The following CCNK variants were observed in gnomAD, a reference collection of about 807,000 sequenced individuals.
The protein encoded by CCNK is cyclin K.
In CCNK, 9 loss-of-function variants were observed where a neutral mutation model predicts 65.0. The observed-to-expected ratio is 0.14, with a 90% CI of 0.08 to 0.24. The LOEUF is 0.24. CCNK is among the 10% of genes least tolerant of loss of function. The pLI is 1.00. For synonymous variants in CCNK, 279 were observed against 270.8 expected (o/e 1.03, Z -0.30); for missense variants, 474 against 720.0 (o/e 0.66, Z 3.91).
At chr14:99,507,255 A>G in intron 10 of CCNK, 108 bp downstream of exon 10, 2 of 772,250 alleles carry the variant, frequency 2.6e-6, no homozygotes, top group Admixed American at 1.8e-5. Flanking sequence ...CAGATTGACA[A>G]TGTCAGCCAC....
intron 10 of CCNK, chr14:99,509,896 ACTGC>A: frequency 1.9e-6 from 1 of 536,034 alleles, no homozygotes; most frequent in Non-Finnish European, 3.3e-6. Context: ...TGCTGCCGAG[ACTGC>A]CTGTAGGTGG....
intron 4 of CCNK, among the ~76,000 whole-genome samples, chr14:99,497,168 T>G (rs1896720500): frequency 6.6e-6 from 1 of 152,084 alleles, no homozygotes; most frequent in Non-Finnish European, 1.5e-5. Flanking sequence ...GACATACGTA[T>G]AGTAACATGT....
rs992317284 is a variant in CCNK at position 99,501,104 on chromosome 14, C to T, written c.517+233C>T. On this transcript the variant is annotated intron_variant, in intron 5 of 10. Coordinates refer to ENST00000389879, the MANE Select transcript of CCNK (RefSeq NM_001099402.2). ...TGATGGGAGAGGCAGGAAAATGAGG[C>T]AGAATTTTTTAAATGGACTAATAAA... 6.7e-6 allele frequency: 4 copies of T among 598,784 alleles called. No homozygotes were observed. The African/African-American group carries it at 7.5e-5, about 11-fold the overall frequency. 37.1% of individuals were successfully genotyped at this position (598,784 alleles called of 1,614,324 possible).
At chr14:99,487,741 TTCTC>T (rs1236689595) in intron 1 of CCNK, among the ~76,000 whole-genome samples, 2 of 152,238 alleles carry the variant, frequency 1.3e-5, no homozygotes, top group Non-Finnish European at 2.9e-5. Flanking sequence ...ACTGTTCTCT[TTCTC>T]AACTGAATAG....
At position 99,493,519 on chromosome 14, in the gene CCNK, A is replaced by G; in HGVS notation, c.203A>G (p.Tyr68Cys). The G allele has an allele frequency of 6.2e-7, 1 of 1,611,078 alleles. No homozygotes were observed. Among genetic ancestry groups the G allele is most frequent in the Non-Finnish European group, 8.5e-7 (1 of 1,177,748 alleles). The change falls in exon 3 of 11, where the codon TAT becomes TGT. Residue 68 changes from tyrosine to cysteine, a missense_variant. Coordinates refer to ENST00000389879, the MANE Select transcript of CCNK (RefSeq NM_001099402.2). ...GTCCTTAACCAGAACAACAGACACT[A>G]TGATACCCTGGCAACTGGAATAATT... Reference protein sequence around the residue: ...FDVGTRLGLHYDTLATGIIYF... With the variant: ...FDVGTRLGLHCDTLATGIIYF...
chr14:99,507,483 T>C, intron 10 of CCNK: 1 of 281,146 alleles, frequency 3.6e-6, no homozygotes, highest in Non-Finnish European at 6.9e-6. Context: ...GAAGATCATT[T>C]GAGCCCTGGG....
chr14:99,504,451 A>AT (rs376815169), intron 9 of CCNK: 69,878 of 136,920 alleles, frequency 0.51, 18,050 homozygotes, highest in Non-Finnish European at 0.58. Flanking sequence ...GTACAGGTGA[A>AT]TTTTTTTTTT....
intron 4 of CCNK, among the ~76,000 whole-genome samples, chr14:99,499,851 TG>T (rs1374378382): frequency 6.6e-6 from 1 of 152,234 alleles, no homozygotes; most frequent in African/African-American, 2.4e-5. Flanking sequence ...AACTTCAATA[TG>T]GTTAAAAATC....
chr14:99,487,566 T>C (rs2092961), intron 1 of CCNK, among the ~76,000 whole-genome samples: 149,935 of 152,354 alleles, frequency 0.98, 73,818 homozygotes, highest in East Asian at 1. Context: ...ATGAATCCCA[T>C]GAACTTAATA....
At position 99,510,261 on chromosome 14, in the gene CCNK, G is replaced by GC; in HGVS notation, c.1226dup (p.Val410CysfsTer174). ...CCAGATTCCCCCTCCGGCCCACCCG[G>GC]CCCCTGTGCACCAGCCACCGCCGCT... is the stretch of plus-strand genomic sequence containing the variant. On this transcript the variant is annotated frameshift_variant, in exon 11 of 11. Coordinates refer to ENST00000389879, the MANE Select transcript of CCNK (RefSeq NM_001099402.2). LOFTEE classifies it high-confidence loss of function. The GC allele has an allele frequency of 3.0e-6, 4 of 1,354,234 alleles. No homozygotes were observed. Among genetic ancestry groups the GC allele is most frequent in the Non-Finnish European group, 9.9e-7 (1 of 1,007,124 alleles). 83.9% of individuals were successfully genotyped at this position (1,354,234 alleles called of 1,614,324 possible).
intron 3 of CCNK, chr14:99,494,271 G>A (rs1282388846): frequency 6.6e-6 from 1 of 152,276 alleles, no homozygotes; most frequent in Non-Finnish European, 1.5e-5. Flanking sequence ...TGTCAGCCCA[G>A]CCAGGAGCTT....
chr14:99,495,530 G>A lies in CCNK; in HGVS notation c.312G>A (p.Gly104=), dbSNP rs567024566. 15 of 1,612,024 alleles carry A rather than the reference G, an allele frequency of 9.3e-6. No individual in the cohort carries two copies. The highest frequency in any genetic ancestry group is 1.3e-5 in the Non-Finnish European group (15 of 1,179,162). ...GAGCCTGTTGCCTCTTTCTGGCTGGGAAAGTAGAAGAAACACCAAAAAAAT... is the reference window on the plus strand; with the variant it reads ...GAGCCTGTTGCCTCTTTCTGGCTGGAAAAGTAGAAGAAACACCAAAAAAAT... ...VTGACCLFLA[G]KVEETPKKCK... Residue 104 remains glycine, a synonymous_variant, in exon 4 of 11, where the codon GGG becomes GGA. Coordinates refer to ENST00000389879, the MANE Select transcript of CCNK (RefSeq NM_001099402.2).
intron 4 of CCNK, among the ~76,000 whole-genome samples, chr14:99,496,773 C>A (rs1454193515): frequency 6.6e-6 from 1 of 151,090 alleles, no homozygotes; most frequent in African/African-American, 2.4e-5. Context: ...TTTTGCTGGG[C>A]ATGGTGGCAC....
intron 5 of CCNK, 60 bp from the exon 6 acceptor site, chr14:99,501,296 T>C: frequency 9.1e-7 from 1 of 1,093,782 alleles, no homozygotes; most frequent in South Asian, 1.2e-5. Flanking sequence ...TAATAAATAC[T>C]TGATGCTGCC....
intron 4 of CCNK, among the ~76,000 whole-genome samples, chr14:99,496,739 T>C (rs534405016): frequency 1.4e-5 from 2 of 140,598 alleles, no homozygotes; most frequent in African/African-American, 2.6e-5. Flanking sequence ...AATATTACTT[T>C]AAAAAAAAAA....
At chr14:99,509,359 T>C (rs935635324) in intron 10 of CCNK, 1 of 152,222 alleles carries the variant, frequency 6.6e-6, no homozygotes, top group African/African-American at 2.4e-5. Flanking sequence ...GGCCAAAACA[T>C]GTTAAATAAG....
chr14:99,495,058 T>A (rs1896672019), intron 3 of CCNK: 1 of 153,958 alleles, frequency 6.5e-6, no homozygotes, highest in Admixed American at 6.5e-5. Flanking sequence ...GCATGGGCAG[T>A]GCTGAGATGG....
At position 99,502,501 on chromosome 14, in the gene CCNK, CATTA is replaced by C. The variant is rs1896858110; in HGVS notation, c.745+131_745+134del. 6 of 1,403,538 alleles carry C rather than the reference CATTA, an allele frequency of 4.3e-6. No homozygotes were observed. The African/African-American group carries it at 5.8e-5, about 14-fold the overall frequency. 86.9% of individuals were successfully genotyped at this position (1,403,538 alleles called of 1,614,324 possible). A position where few individuals can be genotyped will look rare whatever the true frequency, so the allele number is the denominator to read the frequency against. On this transcript the variant is annotated intron_variant, in intron 7 of 10. Transcript: ENST00000389879. ...TATGTGAGCAATATTTCAGAAGCAT[CATTA>C]ATTAAATTATCTAATAGTTTCCACT...
intron 5 of CCNK, 183 bp downstream of exon 5, chr14:99,501,054 C>T (rs1896812218): frequency 5.0e-6 from 3 of 605,862 alleles, no homozygotes; most frequent in Non-Finnish European, 8.7e-6. Flanking sequence ...TATGTATAAA[C>T]AGGCTCTGTC....
Sources: allele counts gnomAD v4.1 joint callset (sites outside exome capture counted in the v4.1 genomes callset), GRCh38; gene constraint gnomAD v4.1.1; transcripts MANE v1.5; gene names NCBI Gene and HGNC (gene_info 2026-07-23, HGNC 2026-07-21).